GABRG3: variants seen among roughly 807,000 people sequenced by gnomAD.
GABRG3 encodes gamma-aminobutyric acid receptor subunit gamma-3.
Under a neutral mutation model 48.8 loss-of-function variants are expected in GABRG3, and 25 were observed. That is an observed-to-expected ratio of 0.51 (90% CI 0.37 to 0.72). GABRG3 has a LOEUF of 0.72. GABRG3 is among the 30% of genes least tolerant of loss of function. GABRG3 has a pLI of 0.00. For missense variants in GABRG3, 394 were observed against 577.9 expected (o/e 0.68, Z 3.26); for synonymous variants, 227 against 217.6 (o/e 1.04, Z -0.38).
At chr15:27,445,135 A>G (rs1888906195) in intron 5 of GABRG3, among the ~76,000 whole-genome samples, 1 of 152,206 alleles carries the variant, frequency 6.6e-6, no homozygotes, top group African/African-American at 2.4e-5. Context: ...GGCTTCCCAA[A>G]GTGCTGGGAT....
intron 3 of GABRG3, among the ~76,000 whole-genome samples, chr15:27,157,117 G>GAAAAAT (rs1207964149): frequency 1.3e-5 from 2 of 152,174 alleles, no homozygotes; most frequent in Non-Finnish European, 2.9e-5. Context: ...CAGGTAGAGA[G>GAAAAAT]TATTGCACTA....
At chr15:27,424,693 A>G (rs898438632) in intron 5 of GABRG3, among the ~76,000 whole-genome samples, 8 of 151,830 alleles carry the variant, frequency 5.3e-5, no homozygotes, top group African/African-American at 1.9e-4. Context: ...AGTTGAGACT[A>G]CAGACGCCTG....
intron 6 of GABRG3, among the ~76,000 whole-genome samples, chr15:27,518,095 A>T (rs1409392953): frequency 1.3e-5 from 2 of 151,638 alleles, no homozygotes; most frequent in Non-Finnish European, 1.5e-5. Context: ...TCATGCCTGT[A>T]ATCCCAGCAC....
chr15:27,410,889 T>TGTGTGTGTG, intron 5 of GABRG3, among the ~76,000 whole-genome samples: 1 of 134,684 alleles, frequency 7.4e-6, no homozygotes, highest in African/African-American at 2.8e-5. Context: ...TGTGTGTGTG[T>TGTGTGTGTG]TGGAATGCTT....
rs568203001 is a variant in GABRG3 at position 27,433,486 on chromosome 15, C to T, written c.575-47164C>T. Among the ~76,000 whole-genome samples, 214 of 152,154 alleles carry T rather than the reference C, an allele frequency of 1.4e-3. 3 individuals carry two copies. The highest frequency in any genetic ancestry group is 4.0e-3 in the African/African-American group (167 of 41,512). ...TGGCCTTGGCTAATTTTCAGAGTTC[C>T]GAAAAGGTTGATTTTGATATTTTTT... On this transcript the variant is annotated intron_variant, in intron 5 of 9. Transcript: ENST00000615808.
chr15:27,167,236 T>G (rs1887406558), intron 3 of GABRG3, among the ~76,000 whole-genome samples: 1 of 152,196 alleles, frequency 6.6e-6, no homozygotes, highest in Non-Finnish European at 1.5e-5. Flanking sequence ...GCCCCCTGAT[T>G]CTTTTCCTCT....
intron 5 of GABRG3, among the ~76,000 whole-genome samples, chr15:27,361,924 C>T (rs1279218373): frequency 6.6e-6 from 1 of 152,000 alleles, no homozygotes; most frequent in East Asian, 1.9e-4. Context: ...TTCAATAGTC[C>T]CTTTAAAGAT....
intron 5 of GABRG3, among the ~76,000 whole-genome samples, chr15:27,356,103 A>G (rs1894829602): frequency 6.6e-6 from 1 of 152,216 alleles, no homozygotes; most frequent in African/African-American, 2.4e-5. Context: ...ATTACAGCTC[A>G]ATAAAGCTGC....
chr15:27,017,632 G>A (rs1340457590), intron 2 of GABRG3, among the ~76,000 whole-genome samples: 2 of 152,212 alleles, frequency 1.3e-5, no homozygotes, highest in Non-Finnish European at 2.9e-5. Flanking sequence ...AGTTGGGAAT[G>A]TTCTGAACAC....
At chr15:27,085,807 T>C (rs1897065510) in intron 3 of GABRG3, among the ~76,000 whole-genome samples, 1 of 152,216 alleles carries the variant, frequency 6.6e-6, no homozygotes, top group Non-Finnish European at 1.5e-5. Flanking sequence ...TTGTTCAGCT[T>C]ATTTTTTCTC....
At chr15:27,213,928 A>G (rs1889155098) in intron 3 of GABRG3, among the ~76,000 whole-genome samples, 1 of 152,148 alleles carries the variant, frequency 6.6e-6, no homozygotes, top group African/African-American at 2.4e-5. Context: ...GCGAAGGGGG[A>G]AACTCAGAGT....
intron 3 of GABRG3, among the ~76,000 whole-genome samples, chr15:27,037,492 G>A (rs566875808): frequency 6.6e-6 from 1 of 152,172 alleles, no homozygotes; most frequent in Non-Finnish European, 1.5e-5. Flanking sequence ...GTTTATCAGA[G>A]TCTTGGACTG....
chr15:27,495,612 C>CAATTGA (rs1890467362), intron 6 of GABRG3, among the ~76,000 whole-genome samples: 2 of 152,316 alleles, frequency 1.3e-5, no homozygotes, highest in East Asian at 3.9e-4. Context: ...CTGAGGAGAA[C>CAATTGA]ACAATTCATG....
In GABRG3 at chr15:27,226,859, T is replaced by G. The variant is rs535658721; in HGVS notation, c.271-99950T>G. Among the ~76,000 whole-genome samples the G allele has an allele frequency of 1.4e-4, 22 of 152,308 alleles. No homozygotes were observed. In the East Asian group the frequency reaches 2.9e-3, roughly 20 times the overall value. The stretch of plus-strand genomic sequence containing the variant: ...TACTCACTTTACTCTCTGGAACAAA[T>G]GAGGCCTAGAGGGACTTGGCCTAGG... On this transcript the variant is annotated intron_variant, in intron 3 of 9. Coordinates refer to ENST00000615808, the MANE Select transcript of GABRG3 (RefSeq NM_033223.5).
Position 27,162,995 on chromosome 15 carries a change from C to G in GABRG3, c.270+136174C>G, listed in dbSNP as rs1887246977. On this transcript the variant is annotated intron_variant, in intron 3 of 9. Transcript: ENST00000615808. ...CCTACAATCTTAGTAGGTGACCCAG[C>G]TCTGGAGCCTGGGCTGGTGGCCATC... 2.6e-5 allele frequency among the ~76,000 whole-genome samples: 4 copies of G among 151,988 alleles called. No individual in the cohort carries two copies. In the South Asian group the frequency reaches 8.3e-4, roughly 32 times the overall value.
At chr15:27,306,585 CATATAATATAAACATAT>C (rs1892479445) in intron 3 of GABRG3, among the ~76,000 whole-genome samples, 2 of 42,538 alleles carry the variant, frequency 4.7e-5, no homozygotes, top group Non-Finnish European at 9.4e-5. Flanking sequence ...TATATATAAA[CATATAATATAAACATAT>C]GTTTATATAT....
At chr15:27,388,949 A>G (rs536443215) in intron 5 of GABRG3, among the ~76,000 whole-genome samples, 1 of 152,292 alleles carries the variant, frequency 6.6e-6, no homozygotes, top group Admixed American at 6.5e-5. Flanking sequence ...TGCTAGTTAC[A>G]CAATCCAATA....
At chr15:27,313,262 G>GTGTGTGTATATATATA (rs1430430961) in intron 3 of GABRG3, among the ~76,000 whole-genome samples, 1 of 34,562 alleles carries the variant, frequency 2.9e-5, no homozygotes, top group African/African-American at 9.0e-5. Flanking sequence ...GTGTGTGTGT[G>GTGTGTGTATATATATA]TATATATATA....
intron 5 of GABRG3, among the ~76,000 whole-genome samples, chr15:27,367,562 G>C (rs1022482466): frequency 1.3e-5 from 2 of 152,140 alleles, no homozygotes; most frequent in African/African-American, 4.8e-5. Context: ...CCATTGCATA[G>C]CGAGAGAAAG....
Sources: allele counts gnomAD v4.1 joint callset (sites outside exome capture counted in the v4.1 genomes callset), GRCh38; gene constraint gnomAD v4.1.1; transcripts MANE v1.5; gene names NCBI Gene and HGNC (gene_info 2026-07-23, HGNC 2026-07-21).